The following CCSER1 variants were observed in gnomAD, a reference collection of about 807,000 sequenced individuals.
The protein encoded by CCSER1 is coiled-coil serine rich protein 1.
CCSER1 carries 41 observed loss-of-function variants against 82.0 expected under a neutral mutation model. The observed-to-expected ratio is 0.50, with a 90% confidence interval of 0.39 to 0.65. CCSER1 has a LOEUF of 0.65. Among genes scored for constraint, CCSER1 ranks in the 30% least tolerant of loss-of-function variants. The pLI is 0.00. For missense variants in CCSER1, 1,119 were observed against 1,064.2 expected, an observed-to-expected ratio of 1.05 and a Z score of -0.72; for synonymous variants, 414 against 383.9, an observed-to-expected ratio of 1.08 and a Z score of -0.92.
At chr4:91,531,555 T>C (rs1257575246) in intron 10 of CCSER1, among the ~76,000 whole-genome samples, 1 of 152,218 alleles carries the variant, frequency 6.6e-6, no homozygotes, top group Non-Finnish European at 1.5e-5. Flanking sequence ...TTACAGATAG[T>C]AAATTGTTAG....
intron 9 of CCSER1, among the ~76,000 whole-genome samples, chr4:90,972,450 A>G (rs1238174974): frequency 6.6e-6 from 1 of 151,848 alleles, no homozygotes; most frequent in Admixed American, 6.6e-5. Context: ...AAAAAAACTT[A>G]AGAATAAATT....
chr4:90,173,661 G>T (rs558935179), intron 1 of CCSER1, among the ~76,000 whole-genome samples: 39 of 152,036 alleles, frequency 2.6e-4, no homozygotes, highest in Admixed American at 2.4e-3. Context: ...ATCAAAGTCA[G>T]TTCAGACAAA....
chr4:90,871,985 C>T (rs1187162862), intron 8 of CCSER1, among the ~76,000 whole-genome samples: 2 of 151,596 alleles, frequency 1.3e-5, no homozygotes, highest in African/African-American at 4.8e-5. Context: ...TAGAGCTACT[C>T]CTGCCATTTT....
intron 10 of CCSER1, among the ~76,000 whole-genome samples, chr4:91,156,526 T>C (rs1326467875): frequency 6.6e-6 from 1 of 151,348 alleles, no homozygotes; most frequent in Non-Finnish European, 1.5e-5. Context: ...AATTAAATTA[T>C]TAGAATTAAA....
chr4:91,511,814 G>C (rs946524292), intron 10 of CCSER1, among the ~76,000 whole-genome samples: 1 of 152,146 alleles, frequency 6.6e-6, no homozygotes, highest in African/African-American at 2.4e-5. Context: ...ATTATGGTGA[G>C]TTGTATAATT....
At chr4:91,095,637 G>A (rs76860290) in intron 10 of CCSER1, among the ~76,000 whole-genome samples, 14,621 of 152,130 alleles carry the variant, frequency 0.096, 946 homozygotes, top group East Asian at 0.27. Flanking sequence ...AGGACTATCC[G>A]GATCAAAAGG....
intron 10 of CCSER1, among the ~76,000 whole-genome samples, chr4:91,169,956 G>T (rs543799327): frequency 6.6e-6 from 1 of 152,246 alleles, no homozygotes; most frequent in Admixed American, 6.5e-5. Flanking sequence ...TCCCACTGTT[G>T]TAGTCACTAT....
At chr4:90,345,987 A>G (rs1579303642) in intron 3 of CCSER1, among the ~76,000 whole-genome samples, 1 of 151,574 alleles carries the variant, frequency 6.6e-6, no homozygotes, top group Non-Finnish European at 1.5e-5. Context: ...ACCCTCCCCC[A>G]TTTATTTCTG....
At chr4:91,522,988 C>T (rs1760568525) in intron 10 of CCSER1, among the ~76,000 whole-genome samples, 1 of 152,106 alleles carries the variant, frequency 6.6e-6, no homozygotes, top group Non-Finnish European at 1.5e-5. Flanking sequence ...TTTGCCCATT[C>T]AGTATGATAT....
At chr4:90,893,619 A>G (rs1434613309) in intron 8 of CCSER1, among the ~76,000 whole-genome samples, 1 of 152,046 alleles carries the variant, frequency 6.6e-6, no homozygotes, top group African/African-American at 2.4e-5. Flanking sequence ...AACATTTAAA[A>G]TAGACTTATT....
At chr4:91,151,930 C>G (rs80176862) in intron 10 of CCSER1, among the ~76,000 whole-genome samples, 44,895 of 151,154 alleles carry the variant, frequency 0.3, 8,030 homozygotes, top group East Asian at 0.44. Flanking sequence ...TGATGTGGTG[C>G]TGAGAAGAAT....
intron 8 of CCSER1, among the ~76,000 whole-genome samples, chr4:90,831,678 T>C (rs1761129191): frequency 6.6e-6 from 1 of 152,186 alleles, no homozygotes; most frequent in African/African-American, 2.4e-5. Flanking sequence ...ACTGTTATTA[T>C]CTCAACAACT....
intron 10 of CCSER1, among the ~76,000 whole-genome samples, chr4:91,513,744 A>G (rs747732254): frequency 3.9e-5 from 6 of 152,054 alleles, no homozygotes; most frequent in Non-Finnish European, 8.8e-5. Context: ...TCTAGTTTGT[A>G]CACAGAGAAG....
chr4:90,179,524 T>C (rs1006146345), intron 1 of CCSER1, among the ~76,000 whole-genome samples: 52 of 152,228 alleles, frequency 3.4e-4, no homozygotes, highest in African/African-American at 1.2e-3. Flanking sequence ...AGGATTATAG[T>C]TGTGCACCAC....
At chr4:91,358,381 C>T (rs1233156408) in intron 10 of CCSER1, among the ~76,000 whole-genome samples, 5 of 138,060 alleles carry the variant, frequency 3.6e-5, no homozygotes, top group African/African-American at 1.4e-4. Context: ...TTACTTTGTG[C>T]CTGACCCACG....
chr4:90,263,267 A>G (rs1055134635), intron 1 of CCSER1, among the ~76,000 whole-genome samples: 1 of 152,074 alleles, frequency 6.6e-6, no homozygotes, highest in Non-Finnish European at 1.5e-5. Context: ...AGTGATTGGT[A>G]TTGCCTTTCT....
At chr4:90,719,834 A>G (rs1459016538) in intron 6 of CCSER1, among the ~76,000 whole-genome samples, 1 of 152,100 alleles carries the variant, frequency 6.6e-6, no homozygotes, top group African/African-American at 2.4e-5. Flanking sequence ...CATACATTAC[A>G]CTTTGGAAGA....
chr4:90,551,708 A>C (rs149671407), intron 5 of CCSER1, among the ~76,000 whole-genome samples: 25,468 of 71,734 alleles, frequency 0.36, 2,713 homozygotes, highest in Non-Finnish European at 0.41. Context: ...CTCTCTCTCT[A>C]TATATATATA....
At chr4:91,055,591 T>C (rs1669234124) in intron 9 of CCSER1, among the ~76,000 whole-genome samples, 1 of 152,170 alleles carries the variant, frequency 6.6e-6, no homozygotes, top group Admixed American at 6.5e-5. Flanking sequence ...TGTCTTTTGA[T>C]AGTTTGATTA....
Sources: gnomAD v4.1 joint callset for allele counts (sites outside exome capture counted in the v4.1 genomes callset) on GRCh38, gnomAD v4.1.1 for gene constraint, MANE v1.5 for transcripts, NCBI Gene and HGNC (gene_info 2026-07-23, HGNC 2026-07-21) for gene names.